C8orf34: variants seen among roughly 807,000 people sequenced by gnomAD.
C8orf34 encodes uncharacterized protein C8orf34.
In C8orf34, 65 loss-of-function variants were observed where a neutral mutation model predicts 68.3. That is an observed-to-expected ratio of 0.95 (90% confidence interval 0.78 to 1.17). The LOEUF is 1.17. Ranked by LOEUF, C8orf34 falls within the 50% of genes most tolerant of loss-of-function variation. C8orf34 has a pLI of 0.00. For missense variants in C8orf34, 664 were observed against 655.4 expected (o/e 1.01, Z -0.14); for synonymous variants, 244 against 241.2 (o/e 1.01, Z -0.11).
intron 8 of C8orf34, among the ~76,000 whole-genome samples, chr8:68,675,365 AAGAC>A (rs1052988669): frequency 1.3e-5 from 2 of 152,202 alleles, no homozygotes; most frequent in African/African-American, 2.4e-5. Context: ...ACAACTTTTC[AAGAC>A]AGACAGTATA....
chr8:68,330,695 C>T (rs895272298), upstream of C8orf34: 3 of 299,488 alleles, frequency 1.0e-5, no homozygotes, highest in Non-Finnish European at 1.8e-5. Context: ...GCGGCGCTGT[C>T]GCTAGGGAGC....
intron 10 of C8orf34, among the ~76,000 whole-genome samples, chr8:68,725,785 C>A (rs576122535): frequency 6.6e-6 from 1 of 152,236 alleles, no homozygotes; most frequent in East Asian, 1.9e-4. Context: ...TGTTGGGATC[C>A]GTACAATTGG....
At chr8:68,806,944 G>A (rs1267486510) in intron 12 of C8orf34, among the ~76,000 whole-genome samples, 1 of 152,216 alleles carries the variant, frequency 6.6e-6, no homozygotes, top group Admixed American at 6.5e-5. Context: ...AGATACACTT[G>A]CAAGATGGTT....
chr8:68,557,461 CAAT>C (rs748500749), intron 7 of C8orf34, among the ~76,000 whole-genome samples: 22 of 152,156 alleles, frequency 1.4e-4, no homozygotes, highest in Non-Finnish European at 2.5e-4. Flanking sequence ...GTTTATTAGA[CAAT>C]AATGAGGCTA....
intron 7 of C8orf34, among the ~76,000 whole-genome samples, chr8:68,580,720 G>T (rs966206248): frequency 6.6e-6 from 1 of 152,142 alleles, no homozygotes; most frequent in Non-Finnish European, 1.5e-5. Flanking sequence ...AGAAAGTAAA[G>T]AATTTGTACC....
chr8:68,648,587 T>G (rs1819249306), intron 8 of C8orf34, among the ~76,000 whole-genome samples: 1 of 152,190 alleles, frequency 6.6e-6, no homozygotes, highest in Non-Finnish European at 1.5e-5. Context: ...TATTTGCTTT[T>G]GATGGTGCAA....
intron 10 of C8orf34, among the ~76,000 whole-genome samples, chr8:68,773,686 C>T (rs543246777): frequency 6.6e-6 from 1 of 152,212 alleles, no homozygotes; most frequent in Admixed American, 6.5e-5. Context: ...ACACCGGCCC[C>T]TCCGAGAGTC....
intron 1 of C8orf34, among the ~76,000 whole-genome samples, chr8:68,381,766 G>T (rs1268577550): frequency 7.7e-6 from 1 of 130,292 alleles, no homozygotes; most frequent in Non-Finnish European, 1.6e-5. Flanking sequence ...AAAAAAATAG[G>T]TATATTAAAT....
intron 11 of C8orf34, among the ~76,000 whole-genome samples, chr8:68,782,558 A>G (rs545092815): frequency 1.3e-5 from 2 of 151,996 alleles, no homozygotes; most frequent in East Asian, 3.9e-4. Context: ...CTAATCCAGT[A>G]ACTATCCCAT....
In C8orf34 at chr8:68,533,220, G is replaced by A. The variant is rs546665711; in HGVS notation, c.1105+71G>A. The A allele has an allele frequency of 3.3e-6, 5 of 1,493,964 alleles. No individual in the cohort carries two copies. The South Asian group carries it at 7.2e-5, about 21-fold the overall frequency. The allele number at this position is 1,493,964 out of a possible 1,614,324, so 92.5% of individuals were successfully genotyped here. A position where few individuals can be genotyped will look rare whatever the true frequency, so the allele number is the denominator to read the frequency against. ...TAAAAAAAACGTGTGGTGATTAAGA[G>A]ATTTTAAAAGTTTTGAATAGCCTTG... On this transcript the variant is annotated intron_variant, in intron 7 of 13. Transcript: ENST00000518698.
At chr8:68,704,826 G>A (rs1012637847) in intron 8 of C8orf34, among the ~76,000 whole-genome samples, 10 of 149,292 alleles carry the variant, frequency 6.7e-5, no homozygotes, top group African/African-American at 2.5e-4. Context: ...GTCTTAACAT[G>A]AGTATAATGT....
Position 68,343,361 on chromosome 8 carries a change from G to T in C8orf34, c.327+12022G>T, listed in dbSNP as rs1185325760. 2.6e-5 allele frequency among the ~76,000 whole-genome samples: 4 copies of T among 152,088 alleles called. No individual in the cohort carries two copies. In the South Asian group the frequency reaches 6.2e-4, roughly 24 times the overall value. On this transcript the variant is annotated intron_variant, in intron 1 of 13. Coordinates refer to ENST00000518698, the MANE Select transcript of C8orf34 (RefSeq NM_052958.4). ...TGAATCACTCGTGCTTTGCAGGTGA[G>T]AATATAAAATGGTCCAATCACTCTG...
At chr8:68,700,536 A>G (rs906000820) in intron 8 of C8orf34, among the ~76,000 whole-genome samples, 2 of 152,140 alleles carry the variant, frequency 1.3e-5, no homozygotes, top group African/African-American at 2.4e-5. Context: ...GAGGGAATTC[A>G]GATAGACAGC....
chr8:68,719,814 A>G lies in C8orf34; in HGVS notation c.1328-1547A>G, dbSNP rs1279229549. ...ATGTAGAATAGAACATTTTAATGTT[A>G]TTTATTTATTAAGTCAATAGATTAC... On this transcript the variant is annotated intron_variant, in intron 9 of 13. Coordinates refer to ENST00000518698, the MANE Select transcript of C8orf34 (RefSeq NM_052958.4). 3.9e-5 allele frequency among the ~76,000 whole-genome samples: 6 copies of G among 152,002 alleles called. No homozygotes were observed. In the South Asian group the frequency reaches 1.2e-3, roughly 31 times the overall value.
At chr8:68,568,449 A>G (rs898954728) in intron 7 of C8orf34, among the ~76,000 whole-genome samples, 17 of 152,126 alleles carry the variant, frequency 1.1e-4, no homozygotes, top group Admixed American at 1.0e-3. Context: ...AAAAGTTTGA[A>G]ATGTTGTGAG....
intron 3 of C8orf34, among the ~76,000 whole-genome samples, chr8:68,465,208 C>T (rs1319933517): frequency 1.3e-5 from 2 of 151,992 alleles, no homozygotes; most frequent in African/African-American, 2.4e-5. Context: ...AAATGCTCAC[C>T]ATCACTGGCC....
chr8:68,676,957 G>C (rs928260937), intron 8 of C8orf34, among the ~76,000 whole-genome samples: 1 of 152,140 alleles, frequency 6.6e-6, no homozygotes, highest in African/African-American at 2.4e-5. Flanking sequence ...TCACTATCAT[G>C]AGAAGAGCAC....
chr8:68,371,589 C>T (rs1477176837), intron 1 of C8orf34, among the ~76,000 whole-genome samples: 3 of 150,596 alleles, frequency 2.0e-5, no homozygotes, highest in Non-Finnish European at 1.5e-5. Flanking sequence ...TTGCCACTTA[C>T]TTCATTTCTT....
intron 8 of C8orf34, among the ~76,000 whole-genome samples, chr8:68,694,508 C>A (rs878897583): frequency 1.3e-5 from 2 of 152,030 alleles, no homozygotes; most frequent in Admixed American, 1.3e-4. Context: ...GTCCTAATAT[C>A]TATTCTTGCT....
Sources: gnomAD v4.1 joint callset for allele counts (sites outside exome capture counted in the v4.1 genomes callset) on GRCh38, gnomAD v4.1.1 for gene constraint, MANE v1.5 for transcripts, NCBI Gene and HGNC (gene_info 2026-07-23, HGNC 2026-07-21) for gene names.